The following NFASC variants were observed in gnomAD, a reference collection of about 807,000 sequenced individuals.
The protein encoded by NFASC is neurofascin.
Under a neutral mutation model 147.5 loss-of-function variants are expected in NFASC, and 43 were observed. The ratio of observed to expected loss-of-function variants is 0.29; its 90% CI spans 0.23 to 0.38. NFASC has a LOEUF of 0.38. Among genes scored for constraint, NFASC ranks in the 10% least tolerant of loss-of-function variants. The probability of loss-of-function intolerance (pLI) is 1.00; values close to 1 mark genes in which losing one functional copy is unlikely to be tolerated. For synonymous variants in NFASC, 622 were observed against 665.5 expected (o/e 0.93, Z 1.01); for missense variants, 1,320 against 1,689.0 (o/e 0.78, Z 3.83).
chr1:204,965,878 A>G (rs976444898), intron 8 of NFASC, among the ~76,000 whole-genome samples: 7 of 152,236 alleles, frequency 4.6e-5, no homozygotes, highest in Non-Finnish European at 7.3e-5. Context: ...CCAAAACATA[A>G]CTAGCTTGGA....
Position 205,007,730 on chromosome 1 carries a change from C to A in NFASC, c.3290-1827C>A, listed in dbSNP as rs546344785. ...GGCCCTGCAGTAGGAATGAGAGCGG[C>A]CAGCATGGCTGGAGCATAAAGCATG... On this transcript the variant is annotated intron_variant, in intron 27 of 29. Transcript: ENST00000339876. 2.6e-5 allele frequency among the ~76,000 whole-genome samples: 4 copies of A among 152,208 alleles called. No individual in the cohort carries two copies. In the East Asian group the frequency reaches 7.7e-4, roughly 29 times the overall value.
intron 1 of NFASC, among the ~76,000 whole-genome samples, chr1:204,831,464 A>G (rs1672210019): frequency 6.6e-6 from 1 of 151,344 alleles, no homozygotes; most frequent in Non-Finnish European, 1.5e-5. Context: ...GGAGGGTCTG[A>G]TTTCTGTGGT....
chr1:204,829,547 A>G (rs1671618162), intron 1 of NFASC, among the ~76,000 whole-genome samples: 1 of 151,530 alleles, frequency 6.6e-6, no homozygotes, highest in African/African-American at 2.4e-5. Context: ...TGCATGTTCG[A>G]TCCTATTTGT....
intron 16 of NFASC, 142 bp from the exon 17 acceptor site, chr1:204,977,539 A>G (rs969150150): frequency 4.7e-6 from 3 of 633,402 alleles, no homozygotes; most frequent in South Asian, 2.5e-5. Context: ...GGGATTCCCC[A>G]TGGAAGGACG....
intron 28 of NFASC, among the ~76,000 whole-genome samples, chr1:205,012,136 G>C (rs2096265538): frequency 6.6e-6 from 1 of 152,236 alleles, no homozygotes; most frequent in Non-Finnish European, 1.5e-5. Context: ...GATACTGGAG[G>C]AAAAATGATC....
chr1:204,957,609 T>C (rs2094488419), intron 7 of NFASC, 47 bp from the exon 8 acceptor site: 1 of 1,586,542 alleles, frequency 6.3e-7, no homozygotes. Context: ...TGGTGATGAT[T>C]ACTGTTATTA....
intron 1 of NFASC, among the ~76,000 whole-genome samples, chr1:204,902,837 T>G (rs772804190): frequency 1.3e-5 from 2 of 152,286 alleles, no homozygotes; most frequent in South Asian, 2.1e-4. Flanking sequence ...GGCATGTGAC[T>G]GTCAAATGCC....
intron 1 of NFASC, among the ~76,000 whole-genome samples, chr1:204,874,096 A>C (rs2078254670): frequency 6.6e-6 from 1 of 152,190 alleles, no homozygotes; most frequent in Non-Finnish European, 1.5e-5. Context: ...AATCATTAGC[A>C]CAGGAGTAGG....
chr1:204,982,371 A>C (rs1443866865), intron 21 of NFASC, among the ~76,000 whole-genome samples: 1 of 152,202 alleles, frequency 6.6e-6, no homozygotes, highest in African/African-American at 2.4e-5. Flanking sequence ...AGTCTGCCTT[A>C]CTGCTAAGCC....
chr1:205,008,066 A>G (rs1436315386), intron 27 of NFASC, among the ~76,000 whole-genome samples: 2 of 152,120 alleles, frequency 1.3e-5, no homozygotes, highest in South Asian at 4.1e-4. Flanking sequence ...GCCCTGGGCA[A>G]CCAGAGTGCA....
rs773553912 is a variant in NFASC at position 204,997,373 on chromosome 1, A to T, written c.2986A>T (p.Thr996Ser). The T allele has an allele frequency of 9.7e-6, 15 of 1,553,670 alleles. No individual in the cohort carries two copies. The South Asian group carries it at 1.7e-4, about 17-fold the overall frequency. The change falls in exon 25 of 30, where the codon ACC becomes TCC. Residue 996 changes from threonine to serine, a missense_variant. Thr to Ser is a moderately conservative substitution (Grantham distance 58). Coordinates refer to ENST00000339876, the MANE Select transcript of NFASC (RefSeq NM_001005388.3). ...CACCACCACCACGGAGAGTCCTCCCACCACCACCTCCGGGACTAAGATACA... is the reference window on the plus strand; with the variant it reads ...CACCACCACCACGGAGAGTCCTCCCTCCACCACCTCCGGGACTAAGATACA... ...AATTTTESPP[T>S]TTSGTKIHES...
At chr1:204,889,230 C>T (rs983591820) in intron 1 of NFASC, among the ~76,000 whole-genome samples, 1 of 152,164 alleles carries the variant, frequency 6.6e-6, no homozygotes, top group Non-Finnish European at 1.5e-5. Flanking sequence ...TATTCTTTTC[C>T]TAGGTGATTT....
intron 2 of NFASC, among the ~76,000 whole-genome samples, chr1:204,940,993 C>CT (rs2093326355): frequency 6.6e-6 from 1 of 152,170 alleles, no homozygotes; most frequent in South Asian, 2.1e-4. Context: ...AATTTTATGT[C>CT]TAACTTTTTG....
At chr1:204,878,149 T>C (rs534264643) in intron 1 of NFASC, among the ~76,000 whole-genome samples, 4 of 152,314 alleles carry the variant, frequency 2.6e-5, no homozygotes, top group South Asian at 2.1e-4. Flanking sequence ...AGACTAAATT[T>C]TATCAAACAT....
chr1:204,900,199 A>C (rs1256186169), intron 1 of NFASC, among the ~76,000 whole-genome samples: 1 of 152,230 alleles, frequency 6.6e-6, no homozygotes, highest in African/African-American at 2.4e-5. Flanking sequence ...ACTCTGTTTG[A>C]GAGCCTGAGC....
chr1:204,894,996 G>T (rs918222974), intron 1 of NFASC, among the ~76,000 whole-genome samples: 1 of 152,130 alleles, frequency 6.6e-6, no homozygotes, highest in African/African-American at 2.4e-5. Context: ...GCATTGAGGG[G>T]TTTATTCACT....
At chr1:205,013,196 C>A (rs2096284063) in intron 29 of NFASC, among the ~76,000 whole-genome samples, 1 of 152,318 alleles carries the variant, frequency 6.6e-6, no homozygotes, top group Non-Finnish European at 1.5e-5. Flanking sequence ...GTCTTTCCAC[C>A]TTTTCACTCT....
intron 3 of NFASC, 103 bp downstream of exon 3, chr1:204,944,509 G>A (rs2093583851): frequency 2.3e-6 from 2 of 879,992 alleles, no homozygotes; most frequent in Non-Finnish European, 3.4e-6. Context: ...CAAGGAGATT[G>A]AGGAGAGGGG....
Position 204,979,684 on chromosome 1 carries a change from G to GA in NFASC, c.2176+125_2176+126insA. ...ACTTCTCCAAGGCCCGGCCTCATCTGTGAGGCAGAGAGTAATAATAACACC... is the reference window on the plus strand; with the variant it reads ...ACTTCTCCAAGGCCCGGCCTCATCTGATGAGGCAGAGAGTAATAATAACACC... On this transcript the variant is annotated intron_variant, in intron 19 of 29. Transcript: ENST00000339876. This position sits in a 1 kb window ranked among gnomAD's most constrained non-coding sequence, Gnocchi z 6.0. The GA allele has an allele frequency of 2.4e-6, 2 of 825,448 alleles. No homozygotes were observed. The highest frequency in any genetic ancestry group is 4.1e-6 in the Non-Finnish European group (2 of 482,754). 51.1% of individuals were successfully genotyped at this position (825,448 alleles called of 1,614,324 possible).
Sources: gnomAD v4.1 joint callset for allele counts (sites outside exome capture counted in the v4.1 genomes callset) on GRCh38, gnomAD v4.1.1 for gene constraint, Gnocchi (gnomAD v3.1) non-coding constraint, MANE v1.5 for transcripts, NCBI Gene and HGNC (gene_info 2026-07-23, HGNC 2026-07-21) for gene names.